Variants in C1orf185 observed in about 807,000 individuals in gnomAD.
C1orf185 encodes the protein uncharacterized protein C1orf185.
C1orf185 carries 13 observed loss-of-function variants against 16.1 expected under a neutral mutation model. The observed-to-expected ratio is 0.81, with a 90% CI of 0.53 to 1.28. The LOEUF is 1.28. Ranked by LOEUF, C1orf185 falls within the 50% of genes most tolerant of loss-of-function variation. The probability of loss-of-function intolerance (pLI) is 0.00; values close to 1 mark genes in which losing one functional copy is unlikely to be tolerated. For synonymous variants in C1orf185, 80 were observed against 76.9 expected (o/e 1.04, Z -0.21); for missense variants, 220 against 225.2 (o/e 0.98, Z 0.15).
chr1:51,118,232 G>T (rs1044191259), intron 2 of C1orf185, among the ~76,000 whole-genome samples: 1 of 152,196 alleles, frequency 6.6e-6, no homozygotes, highest in African/African-American at 2.4e-5. Context: ...CTTACTTTTT[G>T]CCAGAAATAT....
chr1:51,118,804 A>G lies in C1orf185; in HGVS notation c.258+3A>G. 1 of 1,438,736 alleles carries G rather than the reference A, an allele frequency of 7.0e-7. No individual in the cohort carries two copies. Among genetic ancestry groups the G allele is most frequent in the South Asian group, 1.5e-5 (1 of 65,234 alleles). 89.1% of individuals were successfully genotyped at this position (1,438,736 alleles called of 1,614,324 possible). A position where few individuals can be genotyped will look rare whatever the true frequency, so the allele number is the denominator to read the frequency against. On this transcript the variant is annotated splice_donor_region_variant and intron_variant, in intron 3 of 4. Transcript: ENST00000371759. ...ATACTGGGAGATTCCAATTACAGGT[A>G]GGGTGTAATATTTTATAGTAATCTT... is the stretch of plus-strand genomic sequence containing the variant.
downstream of C1orf185, among the ~76,000 whole-genome samples, chr1:51,150,460 T>C (rs751431472): frequency 2.6e-5 from 4 of 152,186 alleles, no homozygotes; most frequent in Non-Finnish European, 5.9e-5. Context: ...CCCAAAGTGC[T>C]GGGATTACAG....
chr1:51,105,792 C>T (rs17106408), intron 1 of C1orf185, among the ~76,000 whole-genome samples: 1,703 of 152,190 alleles, frequency 0.011, 28 homozygotes, highest in African/African-American at 0.038. Flanking sequence ...TATAATACGA[C>T]TTTATGATAT....
At chr1:51,110,602 A>G (rs1481045767) in intron 1 of C1orf185, among the ~76,000 whole-genome samples, 2 of 152,314 alleles carry the variant, frequency 1.3e-5, no homozygotes, top group South Asian at 2.1e-4. Context: ...TTAGTTTTAT[A>G]CTCAATCTTT....
At chr1:51,142,290 A>G (rs928892736) in intron 3 of C1orf185, among the ~76,000 whole-genome samples, 1 of 152,168 alleles carries the variant, frequency 6.6e-6, no homozygotes, top group African/African-American at 2.4e-5. Context: ...TTTAGGGACA[A>G]TTCCTCAGCT....
intron 2 of C1orf185, among the ~76,000 whole-genome samples, chr1:51,116,366 T>A (rs1240975189): frequency 1.4e-5 from 2 of 147,258 alleles, no homozygotes; most frequent in Non-Finnish European, 3.0e-5. Context: ...CAGGCTGGAG[T>A]GCAGTGGTGT....
At chr1:51,125,663 GA>G (rs1424411456) in intron 3 of C1orf185, among the ~76,000 whole-genome samples, 3 of 152,118 alleles carry the variant, frequency 2.0e-5, no homozygotes, top group Non-Finnish European at 4.4e-5. Context: ...CAGCTTTTTA[GA>G]AAAGAAAAAG....
intron 1 of C1orf185, among the ~76,000 whole-genome samples, chr1:51,111,755 G>A (rs1646122196): frequency 6.6e-6 from 1 of 152,118 alleles, no homozygotes; most frequent in Non-Finnish European, 1.5e-5. Context: ...CCTGACCTCA[G>A]GTGCTCTGCC....
chr1:51,118,470 A>C (rs552643859), intron 2 of C1orf185, among the ~76,000 whole-genome samples, 196 bp from the exon 3 acceptor site: 1 of 152,346 alleles, frequency 6.6e-6, no homozygotes, highest in Non-Finnish European at 1.5e-5. Context: ...TTTATATTCT[A>C]TGAATAAAAT....
At chr1:51,114,002 A>G (rs1418326581) in intron 2 of C1orf185, among the ~76,000 whole-genome samples, 3 of 152,248 alleles carry the variant, frequency 2.0e-5, no homozygotes, top group South Asian at 2.1e-4. Context: ...TAAACTAGTC[A>G]GGATATGTGT....
chr1:51,127,031 A>G (rs1470158653), intron 3 of C1orf185, among the ~76,000 whole-genome samples: 2 of 152,132 alleles, frequency 1.3e-5, no homozygotes, highest in Admixed American at 6.5e-5. Flanking sequence ...TTGGGGAAGA[A>G]TACCACTGAA....
intron 1 of C1orf185, among the ~76,000 whole-genome samples, chr1:51,104,158 C>T (rs571061603): frequency 6.6e-6 from 1 of 152,272 alleles, no homozygotes; most frequent in Non-Finnish European, 1.5e-5. Context: ...ATGTTTCACA[C>T]GTATTTGCTG....
At chr1:51,109,156 C>T (rs544410630) in intron 1 of C1orf185, among the ~76,000 whole-genome samples, 3 of 152,238 alleles carry the variant, frequency 2.0e-5, no homozygotes, top group African/African-American at 4.8e-5. Context: ...TTTTGATTCG[C>T]GTTTCCCTGA....
chr1:51,122,762 C>G (rs1646207135), intron 3 of C1orf185, among the ~76,000 whole-genome samples: 1 of 152,174 alleles, frequency 6.6e-6, no homozygotes, highest in Non-Finnish European at 1.5e-5. Context: ...CTGCTCTAAC[C>G]CCTGGCAACC....
At chr1:51,112,366 C>G (rs938953865) in intron 1 of C1orf185, 98 bp from the exon 2 acceptor site, 2 of 953,362 alleles carry the variant, frequency 2.1e-6, no homozygotes, top group African/African-American at 3.4e-5. Context: ...AATGTCTTAA[C>G]ACTACAACAT....
In C1orf185 at chr1:51,106,434, A is replaced by G. The variant is rs1646072787; in HGVS notation, c.16+4185A>G. Among the ~76,000 whole-genome samples, 3 of 152,074 alleles carry G rather than the reference A, an allele frequency of 2.0e-5. No homozygotes were observed. The South Asian group carries it at 6.2e-4, about 32-fold the overall frequency. ...GTCTATATTTTTTAAATATTTGAGA[A>G]AAGGAAATCGGCCTTGGCAAAAAAG... On this transcript the variant is annotated intron_variant, in intron 1 of 4. Coordinates refer to ENST00000371759, the MANE Select transcript of C1orf185 (RefSeq NM_001136508.2).
intron 3 of C1orf185, among the ~76,000 whole-genome samples, chr1:51,140,444 TG>T (rs1344675204): frequency 6.6e-6 from 1 of 152,200 alleles, no homozygotes; most frequent in African/African-American, 2.4e-5. Context: ...AGTTCGTTTT[TG>T]TTCAGTTTTT....
intron 3 of C1orf185, among the ~76,000 whole-genome samples, chr1:51,131,641 A>G (rs1263647918): frequency 1.3e-5 from 2 of 152,170 alleles, no homozygotes; most frequent in South Asian, 2.1e-4. Flanking sequence ...GAGAGAAAGG[A>G]AGAAAAAAAA....
chr1:51,124,090 T>G (rs887279972), intron 3 of C1orf185, among the ~76,000 whole-genome samples: 8 of 148,320 alleles, frequency 5.4e-5, no homozygotes, highest in African/African-American at 2.0e-4. Flanking sequence ...TGTTTTTTTT[T>G]TTTTTTTTTT....
Sources: gnomAD v4.1 joint callset for allele counts (sites outside exome capture counted in the v4.1 genomes callset) on GRCh38, gnomAD v4.1.1 for gene constraint, MANE v1.5 for transcripts, NCBI Gene and HGNC (gene_info 2026-07-23, HGNC 2026-07-21) for gene names.